Variants in LDLRAD3 observed in about 807,000 individuals in gnomAD.
LDLRAD3 encodes the protein low-density lipoprotein receptor class A domain-containing protein 3.
LDLRAD3 carries 20 observed loss-of-function variants against 29.4 expected under a neutral mutation model. The observed-to-expected ratio is 0.68, with a 90% CI of 0.48 to 0.99. The LOEUF is 0.99. LDLRAD3 is among the 50% of genes least tolerant of loss of function. LDLRAD3 has a pLI of 0.00. For synonymous variants in LDLRAD3, 157 were observed against 192.7 expected, an observed-to-expected ratio of 0.81 and a Z score of 1.53; for missense variants, 420 against 454.3, an observed-to-expected ratio of 0.92 and a Z score of 0.69.
intron 2 of LDLRAD3, among the ~76,000 whole-genome samples, chr11:36,037,336 A>G (rs1305735222): frequency 1.3e-5 from 2 of 151,970 alleles, no homozygotes; most frequent in Non-Finnish European, 2.9e-5. Flanking sequence ...TTTCCCTGAA[A>G]CGGAGTCTTG....
intron 2 of LDLRAD3, among the ~76,000 whole-genome samples, chr11:36,080,349 C>T (rs1853094777): frequency 6.6e-6 from 1 of 152,202 alleles, no homozygotes; most frequent in Non-Finnish European, 1.5e-5. Context: ...CAATTAAGCC[C>T]AAGTTACAGC....
At chr11:36,048,511 G>C (rs1288406141) in intron 2 of LDLRAD3, among the ~76,000 whole-genome samples, 1 of 152,204 alleles carries the variant, frequency 6.6e-6, no homozygotes, top group Non-Finnish European at 1.5e-5. Flanking sequence ...GGTCTATTGA[G>C]ATAAGGCTTC....
chr11:36,047,282 T>C (rs1200711241), intron 2 of LDLRAD3, among the ~76,000 whole-genome samples: 1 of 152,230 alleles, frequency 6.6e-6, no homozygotes, highest in Non-Finnish European at 1.5e-5. Context: ...AAATCAGATA[T>C]TAGGTTACTT....
chr11:36,128,651 C>T (rs1007975211), intron 4 of LDLRAD3, among the ~76,000 whole-genome samples: 4 of 152,030 alleles, frequency 2.6e-5, no homozygotes, highest in Non-Finnish European at 5.9e-5. Context: ...GACTTCAAGA[C>T]CAGCTTGGGC....
chr11:36,160,993 C>A (rs1441486593), intron 4 of LDLRAD3, among the ~76,000 whole-genome samples: 1 of 152,136 alleles, frequency 6.6e-6, no homozygotes, highest in Non-Finnish European at 1.5e-5. Flanking sequence ...TAGGGTTTCA[C>A]CATGTTGGCC....
At chr11:35,973,573 T>C (rs1851441829) in intron 1 of LDLRAD3, among the ~76,000 whole-genome samples, 1 of 152,144 alleles carries the variant, frequency 6.6e-6, no homozygotes, top group African/African-American at 2.4e-5. Context: ...CAAGCTATTC[T>C]TCTGCCTTAG....
intron 1 of LDLRAD3, among the ~76,000 whole-genome samples, chr11:35,949,700 G>A (rs375543964): frequency 1.3e-5 from 2 of 152,042 alleles, no homozygotes; most frequent in Non-Finnish European, 2.9e-5. Flanking sequence ...TCCAGCTGTC[G>A]TTTTGCTTTG....
chr11:35,982,766 A>G (rs6484807), intron 1 of LDLRAD3, among the ~76,000 whole-genome samples: 28,568 of 150,164 alleles, frequency 0.19, 6,837 homozygotes, highest in African/African-American at 0.57. Flanking sequence ...TTCTGAATTC[A>G]TTATACCCAT....
intron 1 of LDLRAD3, among the ~76,000 whole-genome samples, chr11:36,018,104 G>A (rs778349203): frequency 1.1e-4 from 16 of 152,176 alleles, no homozygotes; most frequent in Non-Finnish European, 2.2e-4. Flanking sequence ...GATGGTCTGC[G>A]GCTGCAGGCT....
At position 35,986,050 on chromosome 11, in the gene LDLRAD3, T is replaced by G. The variant is rs150114538; in HGVS notation, c.46+41906T>G. Among the ~76,000 whole-genome samples, 1,132 of 152,092 alleles carry G rather than the reference T, an allele frequency of 7.4e-3. 38 individuals are homozygous for G. The highest frequency in any genetic ancestry group is 0.047 in the Admixed American group (717 of 15,282). On this transcript the variant is annotated intron_variant, in intron 1 of 5. Transcript: ENST00000315571. The stretch of plus-strand genomic sequence containing the variant: ...ACGAGAGACTTATGTTGATGACTTT[T>G]TGTGAGAATGCTGCCGTTGTTCATG...
rs189472779 is a variant in LDLRAD3, at chr11:36,203,535, C to T, written c.455-23550C>T. Among the ~76,000 whole-genome samples, 38 of 148,682 alleles carry T rather than the reference C, an allele frequency of 2.6e-4. 1 individual carries two copies. The East Asian group carries it at 7.3e-3, about 29-fold the overall frequency. ...GCACCCATCCAACAGGTAGGAAAAC[C>T]TGGCCCAACAAAGGCAGTCTTTAAT... is the stretch of plus-strand genomic sequence containing the variant. On this transcript the variant is annotated intron_variant, in intron 4 of 5. Transcript: ENST00000315571.
chr11:35,966,268 T>C (rs367919864), intron 1 of LDLRAD3, among the ~76,000 whole-genome samples: 28 of 151,936 alleles, frequency 1.8e-4, no homozygotes, highest in Admixed American at 3.3e-4. Context: ...CTACTAAAAA[T>C]ATAAAAGTTA....
At chr11:35,975,830 AT>A (rs35771900) in intron 1 of LDLRAD3, among the ~76,000 whole-genome samples, 7,746 of 136,646 alleles carry the variant, frequency 0.057, 532 homozygotes, top group African/African-American at 0.17. Flanking sequence ...AGCACTGGGG[AT>A]TTTTTTTTTT....
chr11:36,141,666 C>T (rs1051136867), intron 4 of LDLRAD3, among the ~76,000 whole-genome samples: 22 of 152,156 alleles, frequency 1.4e-4, no homozygotes, highest in African/African-American at 5.1e-4. Flanking sequence ...AAGGGATGTA[C>T]GCTAACCCAT....
chr11:36,147,203 C>T (rs973369733), intron 4 of LDLRAD3, among the ~76,000 whole-genome samples: 2 of 142,188 alleles, frequency 1.4e-5, no homozygotes, highest in Non-Finnish European at 3.0e-5. Flanking sequence ...CTGCAAGCTC[C>T]GCCTCCCTGG....
At chr11:36,154,139 A>G (rs537161098) in intron 4 of LDLRAD3, among the ~76,000 whole-genome samples, 90 of 152,290 alleles carry the variant, frequency 5.9e-4, no homozygotes, top group African/African-American at 2.2e-3. Flanking sequence ...TAAAGAGATG[A>G]GTTCATCCAG....
intron 1 of LDLRAD3, among the ~76,000 whole-genome samples, chr11:36,010,367 A>G (rs1851939560): frequency 6.6e-6 from 1 of 152,224 alleles, no homozygotes; most frequent in East Asian, 1.9e-4. Context: ...AATATTTCTT[A>G]TTAGAAGAAG....
At chr11:36,125,780 G>T (rs1486505195) in intron 4 of LDLRAD3, among the ~76,000 whole-genome samples, 2 of 152,174 alleles carry the variant, frequency 1.3e-5, no homozygotes, top group East Asian at 3.9e-4. Context: ...ACAGAGTTTT[G>T]GTGGTGGAGA....
At chr11:36,203,348 A>G (rs909048328) in intron 4 of LDLRAD3, among the ~76,000 whole-genome samples, 2 of 152,184 alleles carry the variant, frequency 1.3e-5, no homozygotes, top group African/African-American at 4.8e-5. Flanking sequence ...TTCATTTTAC[A>G]GATGAGGAAA....
Sources: gnomAD v4.1 joint callset for allele counts (sites outside exome capture counted in the v4.1 genomes callset) on GRCh38, gnomAD v4.1.1 for gene constraint, MANE v1.5 for transcripts, NCBI Gene and HGNC (gene_info 2026-07-23, HGNC 2026-07-21) for gene names.